The following CHN2 variants were observed in gnomAD, a reference collection of about 807,000 sequenced individuals.
CHN2 encodes chimerin 2.
A neutral mutation model predicts 56.3 loss-of-function variants in CHN2; 35 were observed. The ratio of observed to expected loss-of-function variants is 0.62; its 90% CI spans 0.47 to 0.82. The LOEUF is 0.82. CHN2 is among the 40% of genes least tolerant of loss of function. The pLI is 0.00. For missense variants in CHN2, 491 were observed against 580.5 expected, an observed-to-expected ratio of 0.85 and a Z score of 1.58; for synonymous variants, 210 against 212.8, an observed-to-expected ratio of 0.99 and a Z score of 0.12.
intron 1 of CHN2, among the ~76,000 whole-genome samples, chr7:29,208,591 T>G (rs1478157940): frequency 3.3e-5 from 5 of 151,998 alleles, no homozygotes; most frequent in Non-Finnish European, 5.9e-5. Context: ...TAGACTTTGC[T>G]CCTCCTGCTT....
intron 6 of CHN2, among the ~76,000 whole-genome samples, chr7:29,472,299 G>GCA (rs59917710): frequency 0.089 from 9,432 of 105,482 alleles, 376 homozygotes; most frequent in East Asian, 0.25. Flanking sequence ...ACACACACAC[G>GCA]CACACACACA....
chr7:29,422,740 T>A (rs894106283), intron 6 of CHN2, among the ~76,000 whole-genome samples: 7 of 152,212 alleles, frequency 4.6e-5, no homozygotes, highest in Non-Finnish European at 7.3e-5. Flanking sequence ...GCTAACCAGG[T>A]TTCTTTTTCA....
chr7:29,355,857 C>T (rs899771241), intron 2 of CHN2, among the ~76,000 whole-genome samples: 2 of 139,346 alleles, frequency 1.4e-5, no homozygotes, highest in Non-Finnish European at 3.0e-5. Context: ...AATCTCAGCT[C>T]ACTGCAACCT....
chr7:29,321,202 T>A (rs1174338307), intron 1 of CHN2, among the ~76,000 whole-genome samples: 1 of 152,228 alleles, frequency 6.6e-6, no homozygotes, highest in African/African-American at 2.4e-5. Context: ...TTTCTAATAT[T>A]GTCCCTCTTG....
At chr7:29,199,530 C>G (rs1273035182) in intron 1 of CHN2, 15 of 152,188 alleles carry the variant, frequency 9.9e-5, no homozygotes, top group Non-Finnish European at 1.8e-4. Context: ...CACACGTGCA[C>G]AAATTGTGAT....
intron 2 of CHN2, among the ~76,000 whole-genome samples, chr7:29,188,636 C>T (rs1321635189): frequency 6.6e-6 from 1 of 151,892 alleles, no homozygotes; most frequent in African/African-American, 2.4e-5. Context: ...GGAGTGAAGG[C>T]AGAGGACATT....
rs181169252 is a variant in CHN2, at chr7:29,326,577, A to G, written c.50-28048A>G. 2.0e-4 allele frequency among the ~76,000 whole-genome samples: 31 copies of G among 152,082 alleles called. No homozygotes were observed. The East Asian group carries it at 5.6e-3, about 28-fold the overall frequency. ...CACCAGAGCAGCTCCATACTTACCTATTGGTCTTCTGCCTAAGCTTTCATT... is the reference window on the plus strand; with the variant it reads ...CACCAGAGCAGCTCCATACTTACCTGTTGGTCTTCTGCCTAAGCTTTCATT... On this transcript the variant is annotated intron_variant, in intron 1 of 12. Coordinates refer to ENST00000222792, the MANE Select transcript of CHN2 (RefSeq NM_004067.4).
At chr7:29,165,239 A>T (rs556863517) in intron 2 of CHN2, among the ~76,000 whole-genome samples, 1 of 152,260 alleles carries the variant, frequency 6.6e-6, no homozygotes, top group African/African-American at 2.4e-5. Context: ...TTTTGATATA[A>T]AGGTCTTGCA....
intron 1 of CHN2, among the ~76,000 whole-genome samples, chr7:29,214,330 G>C (rs558083644): frequency 1.3e-4 from 20 of 152,216 alleles, no homozygotes; most frequent in African/African-American, 4.8e-4. Context: ...CTTTTCCTAT[G>C]CAGGAGCTGG....
intron 3 of CHN2, among the ~76,000 whole-genome samples, chr7:29,373,539 A>G (rs1165180059): frequency 1.3e-5 from 2 of 152,064 alleles, no homozygotes; most frequent in East Asian, 3.9e-4. Context: ...AGTGAATTGT[A>G]TTCATTTTTT....
chr7:29,418,350 G>A lies in CHN2; in HGVS notation c.576+17522G>A, dbSNP rs77587924. On this transcript the variant is annotated intron_variant, in intron 6 of 12. Coordinates refer to ENST00000222792, the MANE Select transcript of CHN2 (RefSeq NM_004067.4). ...GGGGAGGAGGCATGATGCCAAACAT[G>A]GAGTCCTTGGCATTTTCAGAAAAGT... Among the ~76,000 whole-genome samples, 599 of 152,318 alleles carry A rather than the reference G, an allele frequency of 3.9e-3. 3 individuals carry two copies. Among genetic ancestry groups the A allele is most frequent in the South Asian group, 0.012 (60 of 4,824 alleles).
chr7:29,257,811 G>A (rs547199292), intron 1 of CHN2, among the ~76,000 whole-genome samples: 9 of 151,914 alleles, frequency 5.9e-5, no homozygotes, highest in East Asian at 3.9e-4. Flanking sequence ...TTTTTGAGAC[G>A]GGGTCTCACT....
chr7:29,511,821 ACT>A (rs1791462063), intron 12 of CHN2, among the ~76,000 whole-genome samples: 2 of 138,264 alleles, frequency 1.4e-5, no homozygotes, highest in African/African-American at 5.2e-5. Flanking sequence ...TGAAAACAAA[ACT>A]CTGGGAGATA....
chr7:29,274,919 C>T (rs756126124), intron 1 of CHN2, among the ~76,000 whole-genome samples: 2 of 152,110 alleles, frequency 1.3e-5, no homozygotes, highest in Admixed American at 6.5e-5. Context: ...GATCACCCAG[C>T]GCAGAGGAAA....
At position 29,399,814 on chromosome 7, in the gene CHN2, G is replaced by A. The variant is rs1196725082; in HGVS notation, c.291-729G>A. Among the ~76,000 whole-genome samples the A allele has an allele frequency of 2.6e-5, 4 of 152,120 alleles. No homozygotes were observed. In the South Asian group the frequency reaches 6.2e-4, roughly 24 times the overall value. On this transcript the variant is annotated intron_variant, in intron 5 of 12. Coordinates refer to ENST00000222792, the MANE Select transcript of CHN2 (RefSeq NM_004067.4). ...AACTTAAAAAGCTATTATATCATGC[G>A]CTCTAGGTGTGCAAAATAATTTCCT... is the stretch of plus-strand genomic sequence containing the variant.
chr7:29,392,416 T>G (rs569711524), intron 3 of CHN2, among the ~76,000 whole-genome samples: 42 of 152,332 alleles, frequency 2.8e-4, no homozygotes, highest in African/African-American at 9.9e-4. Context: ...AATGATATTA[T>G]TTAAATCTTC....
intron 7 of CHN2, among the ~76,000 whole-genome samples, chr7:29,488,452 G>C (rs1321320328): frequency 6.6e-6 from 1 of 152,174 alleles, no homozygotes; most frequent in African/African-American, 2.4e-5. Context: ...GCAAACACTA[G>C]ACTAGACCTC....
chr7:29,212,333 G>A, intron 1 of CHN2: 1 of 1,409,350 alleles, frequency 7.1e-7, no homozygotes, highest in South Asian at 1.2e-5. Flanking sequence ...TGCAAAGCTT[G>A]CCTTGCTTCG....
At chr7:29,249,535 T>C (rs1349003533) in intron 1 of CHN2, among the ~76,000 whole-genome samples, 1 of 152,220 alleles carries the variant, frequency 6.6e-6, no homozygotes, top group African/African-American at 2.4e-5. Flanking sequence ...AATAATGCTT[T>C]ACTAGGTTTC....
Sources: allele counts gnomAD v4.1 joint callset (sites outside exome capture counted in the v4.1 genomes callset), GRCh38; gene constraint gnomAD v4.1.1; transcripts MANE v1.5; gene names NCBI Gene and HGNC (gene_info 2026-07-23, HGNC 2026-07-21).